The following RGS6 variants were observed in gnomAD, a reference collection of about 807,000 sequenced individuals.
RGS6 encodes regulator of G protein signaling 6.
A neutral mutation model predicts 78.5 loss-of-function variants in RGS6; 30 were observed. The observed-to-expected ratio is 0.38, with a 90% CI of 0.29 to 0.52. The LOEUF is 0.52. Among genes scored for constraint, RGS6 ranks in the 20% least tolerant of loss-of-function variants. RGS6 has a pLI of 0.85. For synonymous variants in RGS6, 206 were observed against 206.0 expected (o/e 1.00, Z 0.00); for missense variants, 495 against 609.7 (o/e 0.81, Z 1.98).
At chr14:72,180,528 C>T (rs11625997) in intron 2 of RGS6, among the ~76,000 whole-genome samples, 1 of 152,218 alleles carries the variant, frequency 6.6e-6, no homozygotes, top group Admixed American at 6.5e-5. Context: ...AATTGGCTAT[C>T]ATGGGAAATT....
intron 15 of RGS6, among the ~76,000 whole-genome samples, chr14:72,528,806 TG>T (rs1180750468): frequency 6.6e-6 from 1 of 152,246 alleles, no homozygotes; most frequent in African/African-American, 2.4e-5. Context: ...TGGCTGGTTT[TG>T]CCAGTGACTC....
chr14:72,127,521 A>G (rs891502025), intron 2 of RGS6, among the ~76,000 whole-genome samples: 1 of 152,152 alleles, frequency 6.6e-6, no homozygotes, highest in African/African-American at 2.4e-5. Context: ...AGAACACGTT[A>G]CTGATTTAAA....
At chr14:72,458,572 A>G (rs1486487728) in intron 5 of RGS6, among the ~76,000 whole-genome samples, 195 bp downstream of exon 5, 1 of 152,216 alleles carries the variant, frequency 6.6e-6, no homozygotes, top group Non-Finnish European at 1.5e-5. Flanking sequence ...GCTGTCATTG[A>G]GAGCCTACCA....
intron 6 of RGS6, 87 bp downstream of exon 6, chr14:72,459,770 A>C: frequency 7.8e-7 from 1 of 1,289,134 alleles, no homozygotes; most frequent in Non-Finnish European, 1.1e-6. Context: ...GGTGTGGGCC[A>C]TGGTGGTACA....
At chr14:72,139,327 C>T (rs1281993183) in intron 2 of RGS6, among the ~76,000 whole-genome samples, 2 of 152,202 alleles carry the variant, frequency 1.3e-5, no homozygotes, top group African/African-American at 2.4e-5. Flanking sequence ...CTAATATAGG[C>T]CTTTTCTGCT....
chr14:72,522,465 T>TA (rs1230275481), intron 15 of RGS6, among the ~76,000 whole-genome samples: 1 of 152,204 alleles, frequency 6.6e-6, no homozygotes, highest in Non-Finnish European at 1.5e-5. Context: ...AGGGGTCAGT[T>TA]AAAAAACTAT....
intron 3 of RGS6, among the ~76,000 whole-genome samples, chr14:72,377,794 A>G (rs2085133457): frequency 6.6e-6 from 1 of 152,190 alleles, no homozygotes; most frequent in African/African-American, 2.4e-5. Flanking sequence ...CCTGGACAAC[A>G]TAGTGAGGCT....
At chr14:72,530,423 C>T (rs1168396224) in intron 15 of RGS6, among the ~76,000 whole-genome samples, 1 of 152,184 alleles carries the variant, frequency 6.6e-6, no homozygotes, top group African/African-American at 2.4e-5. Flanking sequence ...TGTGGTGGCT[C>T]ATGGCTGTAA....
chr14:72,482,440 A>G (rs1208975316), intron 12 of RGS6, among the ~76,000 whole-genome samples: 5 of 152,184 alleles, frequency 3.3e-5, no homozygotes, highest in Non-Finnish European at 7.3e-5. Context: ...GCTGTCACTG[A>G]GTAACAAAAC....
intron 13 of RGS6, among the ~76,000 whole-genome samples, chr14:72,503,064 C>T (rs1392068540): frequency 6.6e-6 from 1 of 152,050 alleles, no homozygotes; most frequent in Non-Finnish European, 1.5e-5. Context: ...AGTTCAAGGT[C>T]GAGATGCCAC....
intron 2 of RGS6, among the ~76,000 whole-genome samples, chr14:72,286,498 T>C (rs188298953): frequency 3.7e-4 from 56 of 151,432 alleles, no homozygotes; most frequent in Admixed American, 2.8e-3. Context: ...TTGGGGTCTT[T>C]TGTGGTTCCA....
At chr14:71,953,973 T>TTTTTG (rs1555399212) in intron 1 of RGS6, among the ~76,000 whole-genome samples, 4 of 145,740 alleles carry the variant, frequency 2.7e-5, no homozygotes, top group South Asian at 4.3e-4. Context: ...GTGGGCGTTT[T>TTTTTG]TTTTTTTTTT....
chr14:72,514,640 C>A (rs567968875), intron 14 of RGS6, among the ~76,000 whole-genome samples: 11 of 152,378 alleles, frequency 7.2e-5, no homozygotes, highest in African/African-American at 2.4e-4. Flanking sequence ...TGCCTCCCTA[C>A]TGCAGCTATG....
At chr14:72,556,162 A>G (rs921932574) in intron 17 of RGS6, among the ~76,000 whole-genome samples, 1 of 152,092 alleles carries the variant, frequency 6.6e-6, no homozygotes, top group African/African-American at 2.4e-5. Context: ...TCACAATGCT[A>G]TAAAGAAATA....
chr14:71,952,382 G>A (rs570339265), intron 1 of RGS6, among the ~76,000 whole-genome samples: 6 of 151,950 alleles, frequency 3.9e-5, no homozygotes, highest in South Asian at 4.2e-4. Context: ...ACAGAATAGC[G>A]GGCTCACCTC....
the RGS6 span, chr14:71,908,366 G>A: frequency 6.6e-6 from 1 of 152,242 alleles, no homozygotes; most frequent in Non-Finnish European, 1.5e-5. Context: ...AGTTTCCAAT[G>A]TGGGAGTTTT....
the RGS6 span, among the ~76,000 whole-genome samples, chr14:71,881,362 G>A: frequency 6.6e-6 from 1 of 152,212 alleles, no homozygotes; most frequent in Non-Finnish European, 1.5e-5. Flanking sequence ...GAGAACATGA[G>A]ATTTGGGAGG....
At chr14:72,332,360 T>C (rs972805437) in intron 2 of RGS6, among the ~76,000 whole-genome samples, 2 of 152,258 alleles carry the variant, frequency 1.3e-5, no homozygotes, top group African/African-American at 4.8e-5. Context: ...GTTGGGGTTT[T>C]AGAGAGTCCA....
intron 3 of RGS6, among the ~76,000 whole-genome samples, chr14:72,392,228 C>T (rs2090168687): frequency 6.6e-6 from 1 of 151,792 alleles, no homozygotes; most frequent in Admixed American, 6.6e-5. Context: ...TGACCTTATG[C>T]AATTATGTTT....
Sources: gnomAD v4.1 joint callset for allele counts (sites outside exome capture counted in the v4.1 genomes callset) on GRCh38, gnomAD v4.1.1 for gene constraint, MANE v1.5 for transcripts, NCBI Gene and HGNC (gene_info 2026-07-23, HGNC 2026-07-21) for gene names.